The following NKIRAS1 variants were observed in gnomAD, a reference collection of about 807,000 sequenced individuals.
NKIRAS1 encodes NF-kappa-B inhibitor-interacting Ras-like protein 1.
NKIRAS1 carries 16 observed loss-of-function variants against 19.8 expected under a neutral mutation model. That is an observed-to-expected ratio of 0.81 (90% CI 0.55 to 1.23). The LOEUF is 1.23. NKIRAS1 is among the 50% of genes most tolerant of loss of function. The probability of loss-of-function intolerance (pLI) is 0.00; values close to 1 mark genes in which losing one functional copy is unlikely to be tolerated. For synonymous variants in NKIRAS1, 88 were observed against 79.0 expected, an observed-to-expected ratio of 1.11 and a Z score of -0.61; for missense variants, 184 against 220.0, an observed-to-expected ratio of 0.84 and a Z score of 1.04.
chr3:23,935,596 A>G (rs1313131955), intron 1 of NKIRAS1, among the ~76,000 whole-genome samples: 1 of 152,028 alleles, frequency 6.6e-6, no homozygotes, highest in East Asian at 1.9e-4. Flanking sequence ...TAATTTTTTA[A>G]ACATTATTTG....
upstream of NKIRAS1, chr3:23,920,787 C>A (rs552751022): frequency 9.4e-6 from 9 of 962,198 alleles, no homozygotes; most frequent in African/African-American, 1.4e-4. Context: ...TTAAGTCATA[C>A]ATTTTAATTG....
In NKIRAS1 at chr3:23,890,561, A is replaced by C; in HGVS notation, c.*2534T>G. 1 of 1,613,908 alleles carries C rather than the reference A, an allele frequency of 6.2e-7. No individual in the cohort carries two copies. Among genetic ancestry groups the C allele is most frequent in the South Asian group, 1.1e-5 (1 of 91,016 alleles). ...CTCAGTATATGACCAACAGAGCAGA[A>C]CATGACAGAATGGCCAGACAGTGGA... On this transcript the variant is annotated 3_prime_UTR_variant, in exon 5 of 5. Transcript: ENST00000425478.
chr3:23,901,009 A>G lies in NKIRAS1; in HGVS notation c.135T>C (p.Ala45=). The G allele has an allele frequency of 6.2e-7, 1 of 1,614,150 alleles. No homozygotes were observed. Among genetic ancestry groups the G allele is most frequent in the Non-Finnish European group, 8.5e-7 (1 of 1,180,000 alleles). The change falls in exon 4 of 5, where the codon GCT becomes GCC. Residue 45 remains alanine, a synonymous_variant. Coordinates refer to ENST00000425478, the MANE Select transcript of NKIRAS1 (RefSeq NM_020345.4). ...DCETMEDVYM[A]SVETDRGVKE... ...TTACTCCTCGGTCTGTTTCTACTGAAGCCATGTATACATCTTCCATTGTTT... is the reference window on the plus strand; with the variant it reads ...TTACTCCTCGGTCTGTTTCTACTGAGGCCATGTATACATCTTCCATTGTTT...
chr3:23,946,165 T>A, intron 1 of NKIRAS1: 1 of 984,580 alleles, frequency 1.0e-6, no homozygotes, highest in Non-Finnish European at 1.2e-6. Context: ...AGGCCGCGCG[T>A]GCGCGCCCGC....
intron 1 of NKIRAS1, among the ~76,000 whole-genome samples, chr3:23,942,843 G>A (rs1234865802): frequency 6.6e-6 from 1 of 152,096 alleles, no homozygotes; most frequent in African/African-American, 2.4e-5. Flanking sequence ...CAACCTCCCA[G>A]ATCAAGAGAT....
chr3:23,941,563 T>C lies in NKIRAS1; in HGVS notation c.-140+4760A>G, dbSNP rs115232727. 7.9e-3 allele frequency among the ~76,000 whole-genome samples: 1,196 copies of C among 152,076 alleles called. 13 individuals carry two copies. Among genetic ancestry groups the C allele is most frequent in the African/African-American group, 0.027 (1,125 of 41,540 alleles). On this transcript the variant is annotated intron_variant, in intron 1 of 4. Coordinates refer to the NKIRAS1 transcript ENST00000421515. ...CTGAGAATCCCAACAGACTAAGCCA[T>C]AGACACCACAGGATTAATAAATGAG... is the stretch of plus-strand genomic sequence containing the variant.
At position 23,900,168 on chromosome 3, in the gene NKIRAS1, A is replaced by G. The variant is rs988303760; in HGVS notation, c.336+640T>C. On this transcript the variant is annotated intron_variant, in intron 4 of 4. Transcript: ENST00000425478. ...AAGAGAGAGACTCAGTCTCAAAAAA[A>G]ACAAAAACAAAAACCCAAGGAAACA... is the stretch of plus-strand genomic sequence containing the variant. 2.6e-5 allele frequency among the ~76,000 whole-genome samples: 4 copies of G among 152,030 alleles called. No homozygotes were observed. The South Asian group carries it at 8.3e-4, about 32-fold the overall frequency.
At chr3:23,913,858 A>G (rs960576801) in intron 1 of NKIRAS1, among the ~76,000 whole-genome samples, 2 of 152,224 alleles carry the variant, frequency 1.3e-5, no homozygotes, top group Admixed American at 6.5e-5. Context: ...GCTCTGTAGT[A>G]CATGGGTCAC....
At chr3:23,921,769 T>G (rs1705096220), upstream of NKIRAS1, 1 of 595,640 alleles carries the variant, frequency 1.7e-6, no homozygotes, top group African/African-American at 1.9e-5. Flanking sequence ...GAGACTGGGT[T>G]TCACTATGTT....
At chr3:23,929,907 G>A (rs1370796960) in intron 1 of NKIRAS1, among the ~76,000 whole-genome samples, 1 of 151,952 alleles carries the variant, frequency 6.6e-6, no homozygotes, top group African/African-American at 2.4e-5. Context: ...TATCATTTTG[G>A]TTTATTTTCT....
At chr3:23,934,851 G>C (rs949599682) in intron 1 of NKIRAS1, among the ~76,000 whole-genome samples, 5 of 100,892 alleles carry the variant, frequency 5.0e-5, no homozygotes, top group African/African-American at 1.6e-4. Context: ...AAAACTTACA[G>C]AGAATATCAG....
Position 23,900,924 on chromosome 3 carries a change from G to A in NKIRAS1, c.220C>T (p.His74Tyr), listed in dbSNP as rs1305743393. The change falls in exon 4 of 5, where the codon CAT becomes TAT. Residue 74 changes from histidine (H) to tyrosine (Y), a missense_variant. Transcript: ENST00000425478. ...GLQEGVELPK[H>Y]YFSFADGFVL... ...AAGCCATCAGCAAATGAAAAATAAT[G>A]CTTTGGCAGCTCCACGCCTTCCTGT... is the stretch of plus-strand genomic sequence containing the variant. 6.2e-7 allele frequency: 1 copy of A among 1,614,128 alleles called. No homozygotes were observed. Among genetic ancestry groups the A allele is most frequent in the South Asian group, 1.1e-5 (1 of 91,084 alleles).
chr3:23,933,871 G>A (rs1219798965), intron 1 of NKIRAS1, among the ~76,000 whole-genome samples: 1 of 152,178 alleles, frequency 6.6e-6, no homozygotes, highest in Non-Finnish European at 1.5e-5. Context: ...AAAGGGCCCA[G>A]TCTCTGCTTC....
rs774116478 is a variant in NKIRAS1 at position 23,893,088 on chromosome 3, C to G, written c.*7G>C. The G allele has an allele frequency of 6.5e-7, 1 of 1,539,120 alleles. No individual in the cohort carries two copies. Among genetic ancestry groups the G allele is most frequent in the South Asian group, 1.3e-5 (1 of 76,580 alleles). ...ATTCAACATACAATTGTGGAAATTA[C>G]TGATTTTTAGTTCTCAGAATTAGAG... is the stretch of plus-strand genomic sequence containing the variant. On this transcript the variant is annotated 3_prime_UTR_variant, in exon 5 of 5. Transcript: ENST00000425478.
In NKIRAS1 at chr3:23,901,549, T is replaced by A. The variant is rs536368894; in HGVS notation, c.95-500A>T. Among the ~76,000 whole-genome samples, 3 of 152,318 alleles carry A rather than the reference T, an allele frequency of 2.0e-5. No homozygotes were observed. In the South Asian group the frequency reaches 6.2e-4, roughly 32 times the overall value. ...ATAAAAATCCCCTTCTTGTTTATGA[T>A]CTTTTAAAAATGCATTTTACCACTT... On this transcript the variant is annotated intron_variant, in intron 3 of 4. Coordinates refer to ENST00000425478, the MANE Select transcript of NKIRAS1 (RefSeq NM_020345.4).
intron 1 of NKIRAS1, among the ~76,000 whole-genome samples, chr3:23,930,037 C>T (rs1008710353): frequency 1.3e-5 from 2 of 151,952 alleles, no homozygotes; most frequent in Non-Finnish European, 2.9e-5. Flanking sequence ...ACTAGAAAGG[C>T]AGGTCAAATT....
intron 4 of NKIRAS1, among the ~76,000 whole-genome samples, chr3:23,895,020 C>G (rs980773429): frequency 6.6e-6 from 1 of 152,128 alleles, no homozygotes; most frequent in East Asian, 1.9e-4. Flanking sequence ...TTCACCACTC[C>G]CGTGGTCATA....
At chr3:23,899,740 T>A (rs560096088) in intron 4 of NKIRAS1, among the ~76,000 whole-genome samples, 2 of 152,374 alleles carry the variant, frequency 1.3e-5, no homozygotes, top group South Asian at 4.1e-4. Context: ...GTAATCTAAA[T>A]CTTTACAGAC....
intron 1 of NKIRAS1, among the ~76,000 whole-genome samples, chr3:23,914,738 G>C (rs1256230538): frequency 2.0e-5 from 3 of 152,216 alleles, no homozygotes; most frequent in Non-Finnish European, 4.4e-5. Flanking sequence ...TTGTAAAACT[G>C]TTAACTGAGA....
Sources: allele counts gnomAD v4.1 joint callset (sites outside exome capture counted in the v4.1 genomes callset), GRCh38; gene constraint gnomAD v4.1.1; transcripts MANE v1.5; gene names NCBI Gene and HGNC (gene_info 2026-07-23, HGNC 2026-07-21).